The following AQP2 variants were observed in gnomAD, a reference collection of about 807,000 sequenced individuals.
AQP2 encodes the protein aquaporin 2, also known as aquaporin-2.
AQP2 carries 20 observed loss-of-function variants against 21.6 expected under a neutral mutation model. The ratio of observed to expected loss-of-function variants is 0.92; its 90% confidence interval spans 0.65 to 1.34. The LOEUF (loss-of-function observed/expected upper bound fraction) is 1.34. Among genes scored for constraint, AQP2 ranks in the 40% most tolerant of loss-of-function variants. The probability of loss-of-function intolerance (pLI) is 0.00; values close to 1 mark genes in which losing one functional copy is unlikely to be tolerated. For synonymous variants in AQP2, 168 were observed against 166.9 expected (o/e 1.01, Z -0.05); for missense variants, 325 against 363.4 (o/e 0.89, Z 0.86).
chr12:49,955,323 TGTGCCGCCGGGGCCTGCGGGCTCCGC>T, intron 3 of AQP2, 50 bp from the exon 4 acceptor site: 1 of 1,440,412 alleles, frequency 6.9e-7, no homozygotes. Flanking sequence ...GGCCGCAGAG[TGTGCCGCCGGGGCCTGCGGGCTCCGC>T]GTGCCGGTGC....
intron 2 of AQP2, 132 bp downstream of exon 2, chr12:49,954,451 A>C (rs1947351650): frequency 1.6e-6 from 2 of 1,215,944 alleles, no homozygotes; most frequent in African/African-American, 3.0e-5. Flanking sequence ...CAGAGGTTTG[A>C]CTCCTAGATA....
rs749468605 is a variant in AQP2, at chr12:49,954,629, G to A, written c.526-1G>A. On this transcript the variant is annotated splice_acceptor_variant, in intron 2 of 3. Coordinates refer to ENST00000199280, the MANE Select transcript of AQP2 (RefSeq NM_000486.6). LOFTEE classifies it high-confidence loss of function. ...TCTTTGATGCCCTCCTCCCACTGCAGATCCATTACACCGGCTGCTCTATGA... is the reference window on the plus strand; with the variant it reads ...TCTTTGATGCCCTCCTCCCACTGCAAATCCATTACACCGGCTGCTCTATGA... 2.5e-6 allele frequency: 4 copies of A among 1,614,168 alleles called. No homozygotes were observed. The highest frequency in any genetic ancestry group is 3.4e-6 in the Non-Finnish European group (4 of 1,180,022).
chr12:49,951,780 C>T (rs1334219095), intron 1 of AQP2: 1 of 152,584 alleles, frequency 6.6e-6, no homozygotes, highest in African/African-American at 2.4e-5. Flanking sequence ...CCCGTGGGCC[C>T]TTTGGGAGCT....
At position 49,954,262 on chromosome 12, in the gene AQP2, C is replaced by G. The variant is rs1258678763; in HGVS notation, c.468C>G (p.Asn156Lys). 1.2e-6 allele frequency: 2 copies of G among 1,608,174 alleles called. No individual in the cohort carries two copies. The highest frequency in any genetic ancestry group is 1.3e-5 in the African/African-American group (1 of 75,032). ...FASTDERRGENPGTPALSIGF... is the reference protein window; with the variant it reads ...FASTDERRGEKPGTPALSIGF... ...CCACCGATGAGCGCCGCGGAGAGAA[C>G]CCGGGCACCCCTGCTCTCTCCATAG... The change falls in exon 2 of 4, where the codon AAC (asparagine) becomes AAG (lysine). Residue 156 changes from asparagine to lysine, a missense_variant. Coordinates refer to ENST00000199280, the MANE Select transcript of AQP2 (RefSeq NM_000486.6).
rs1294731623 is a variant in AQP2 at position 49,951,088 on chromosome 12, CGCCTTCTACGTGGCTGCCCAGCT to C, written c.261_283del (p.Phe88GlyfsTer11). On this transcript the variant is annotated frameshift_variant, in exon 1 of 4. Coordinates refer to ENST00000199280, the MANE Select transcript of AQP2 (RefSeq NM_000486.6). LOFTEE classifies it high-confidence loss of function. ...GCTGCCACGTCTCCGTTCTCCGAGC[CGCCTTCTACGTGGCTGCCCAGCT>C]GCTGGGGGCTGTGGCCGGAGCCGCT... The C allele has an allele frequency of 6.2e-7, 1 of 1,610,124 alleles. No individual in the cohort carries two copies. The highest frequency in any genetic ancestry group is 1.3e-5 in the African/African-American group (1 of 74,902).
rs1469976518 is a variant in AQP2 at position 49,950,790 on chromosome 12, G to C, written c.-41G>C. On this transcript the variant is annotated 5_prime_UTR_variant, in exon 1 of 4. Coordinates refer to ENST00000199280, the MANE Select transcript of AQP2 (RefSeq NM_000486.6). ...CGAGAGCGAGTGCCCGGAGCATCCT[G>C]GCCCTGAGACAGCTGGGCCAGCCCC... 6.3e-7 allele frequency: 1 copy of C among 1,593,550 alleles called. No individual in the cohort carries two copies. The highest frequency in any genetic ancestry group is 2.3e-5 in the East Asian group (1 of 44,382).
Position 49,957,096 on chromosome 12 carries a change from C to T in AQP2, c.*1488C>T, listed in dbSNP as rs1416369110. On this transcript the variant is annotated 3_prime_UTR_variant, in exon 4 of 4. Coordinates refer to ENST00000199280, the MANE Select transcript of AQP2 (RefSeq NM_000486.6). ...TACCATTATCACGCATTACTAGAAT[C>T]ATTTCATTATTTCTGCTTCCTGGGG... The T allele has an allele frequency of 2.0e-5, 3 of 152,658 alleles. No individual in the cohort carries two copies. The highest frequency in any genetic ancestry group is 2.9e-5 in the Non-Finnish European group (2 of 68,054). The allele number at this position is 152,658 out of a possible 1,614,324, so 9.5% of individuals were successfully genotyped here.
rs1457614100 is a variant in AQP2 at position 49,958,796 on chromosome 12, CA to C, written c.*3189del. 1 of 152,222 alleles carries C rather than the reference CA, an allele frequency of 6.6e-6. No homozygotes were observed. The highest frequency in any genetic ancestry group is 1.5e-5 in the Non-Finnish European group (1 of 68,048). The allele number at this position is 152,222 out of a possible 1,614,324, so 9.4% of individuals were successfully genotyped here. On this transcript the variant is annotated 3_prime_UTR_variant, in exon 4 of 4. Coordinates refer to ENST00000199280, the MANE Select transcript of AQP2 (RefSeq NM_000486.6). ...GCCCTTTGGGGACAAGGGCTGCTTC[CA>C]GTTCTTGGATGGCGTTCTCCTATCT...
At chr12:49,954,437 AC>A in intron 2 of AQP2, 118 bp downstream of exon 2, 1 of 1,305,340 alleles carries the variant, frequency 7.7e-7, no homozygotes, top group South Asian at 1.2e-5. Flanking sequence ...AGGAACAGAC[AC>A]CCCAGAGGTT....
chr12:49,954,859 C>T lies in AQP2; in HGVS notation c.606+149C>T, dbSNP rs117922536. 2.4e-3 allele frequency: 2,140 copies of T among 887,988 alleles called. 54 individuals are homozygous for T. The East Asian group carries it at 0.052, about 22-fold the overall frequency. The allele number at this position is 887,988 out of a possible 1,614,324, so 55.0% of individuals were successfully genotyped here. On this transcript the variant is annotated intron_variant, in intron 3 of 3. Transcript: ENST00000199280. ...GTCCTGGGGAGCCTTGGGTTCCACC[C>T]CTCAGATCTGATGCCAAAGACTCAG... is the stretch of plus-strand genomic sequence containing the variant.
Position 49,955,786 on chromosome 12 carries a change from G to C in AQP2, c.*178G>C. 1 of 878,368 alleles carries C rather than the reference G, an allele frequency of 1.1e-6. No individual in the cohort carries two copies. The highest frequency in any genetic ancestry group is 1.8e-6 in the Non-Finnish European group (1 of 548,964). 54.4% of individuals were successfully genotyped at this position (878,368 alleles called of 1,614,324 possible). ...GCAGGCGGGGAGGAGGCTGCCGGAG[G>C]GAGCCCTGAGCCTGGCAGGTCCCCT... is the stretch of plus-strand genomic sequence containing the variant. On this transcript the variant is annotated 3_prime_UTR_variant, in exon 4 of 4. Transcript: ENST00000199280.
chr12:49,955,335 G>T lies in AQP2; in HGVS notation c.607-64G>T. 3.9e-6 allele frequency: 6 copies of T among 1,531,400 alleles called. No homozygotes were observed. The South Asian group carries it at 7.0e-5, about 18-fold the overall frequency. 94.9% of individuals were successfully genotyped at this position (1,531,400 alleles called of 1,614,324 possible). On this transcript the variant is annotated intron_variant, in intron 3 of 3. Coordinates refer to ENST00000199280, the MANE Select transcript of AQP2 (RefSeq NM_000486.6). ...TGCGGCCGCAGAGTGTGCCGCCGGG[G>T]CCTGCGGGCTCCGCGTGCCGGTGCC...
Position 49,957,183 on chromosome 12 carries a change from CAAAGG to C in AQP2, c.*1577_*1581del, listed in dbSNP as rs1947376983. 6.6e-6 allele frequency: 1 copy of C among 152,306 alleles called. No individual in the cohort carries two copies. Among genetic ancestry groups the C allele is most frequent in the African/African-American group, 2.4e-5 (1 of 41,452 alleles). 9.4% of individuals were successfully genotyped at this position (152,306 alleles called of 1,614,324 possible). ...TACCTCCTTTCGTTGATGGCCAAAG[CAAAGG>C]AGAGTCCTGGGAGCCCACAAGATCC... On this transcript the variant is annotated 3_prime_UTR_variant, in exon 4 of 4. Coordinates refer to ENST00000199280, the MANE Select transcript of AQP2 (RefSeq NM_000486.6).
intron 1 of AQP2, among the ~76,000 whole-genome samples, chr12:49,953,905 T>C (rs61926092): frequency 5.3e-5 from 8 of 151,886 alleles, no homozygotes; most frequent in African/African-American, 7.3e-5. Context: ...CCCAATCTAA[T>C]GGGCTACAGA....
chr12:49,954,271 C>T lies in AQP2; in HGVS notation c.477C>T (p.Thr159=). The T allele has an allele frequency of 6.2e-7, 1 of 1,608,880 alleles. No homozygotes were observed. Among genetic ancestry groups the T allele is most frequent in the Non-Finnish European group, 8.5e-7 (1 of 1,179,982 alleles). ...AGCGCCGCGGAGAGAACCCGGGCAC[C>T]CCTGCTCTCTCCATAGGCTTCTCTG... is the stretch of plus-strand genomic sequence containing the variant. ...TDERRGENPG[T]PALSIGFSVA... Residue 159 remains threonine, a synonymous_variant, in exon 2 of 4, where the codon ACC becomes ACT. Transcript: ENST00000199280.
In AQP2 at chr12:49,954,847, T is replaced by C. The variant is rs981462199; in HGVS notation, c.606+137T>C. On this transcript the variant is annotated intron_variant, in intron 3 of 3. Coordinates refer to ENST00000199280, the MANE Select transcript of AQP2 (RefSeq NM_000486.6). The stretch of plus-strand genomic sequence containing the variant: ...ACACTCCTCCTGGTCCTGGGGAGCC[T>C]TGGGTTCCACCCCTCAGATCTGATG... 2.9e-6 allele frequency: 3 copies of C among 1,019,586 alleles called. No homozygotes were observed. In the African/African-American group the frequency reaches 4.8e-5, roughly 16 times the overall value. 63.2% of individuals were successfully genotyped at this position (1,019,586 alleles called of 1,614,324 possible). A position where few individuals can be genotyped will look rare whatever the true frequency, so the allele number is the denominator to read the frequency against.
In AQP2 at chr12:49,955,733, GACGT is replaced by G; in HGVS notation, c.*126_*129del. The G allele has an allele frequency of 1.6e-6, 2 of 1,263,788 alleles. No homozygotes were observed. The highest frequency in any genetic ancestry group is 2.2e-6 in the Non-Finnish European group (2 of 902,370). 78.3% of individuals were successfully genotyped at this position (1,263,788 alleles called of 1,614,324 possible). A position where few individuals can be genotyped will look rare whatever the true frequency, so the allele number is the denominator to read the frequency against. On this transcript the variant is annotated 3_prime_UTR_variant, in exon 4 of 4. Transcript: ENST00000199280. ...CCCAGCGCAGAGTAGCTGCTTCCTG[GACGT>G]GCGCGCCCAGGCCAGTGCTGTGAGC...
chr12:49,955,285 C>A, intron 3 of AQP2, 114 bp from the exon 4 acceptor site: 3 of 1,071,620 alleles, frequency 2.8e-6, no homozygotes, highest in Non-Finnish European at 4.0e-6. Flanking sequence ...AAGCATTTTA[C>A]TAGATTAATG....
chr12:49,951,462 C>T, intron 1 of AQP2: 1 of 525,018 alleles, frequency 1.9e-6, no homozygotes, highest in Non-Finnish European at 3.4e-6. Context: ...CTGTTGGACT[C>T]AACGCCTACA....
Sources: gnomAD v4.1 joint callset for allele counts (sites outside exome capture counted in the v4.1 genomes callset) on GRCh38, gnomAD v4.1.1 for gene constraint, MANE v1.5 for transcripts, NCBI Gene and HGNC (gene_info 2026-07-23, HGNC 2026-07-21) for gene names.